CAMTA1: variants seen among roughly 807,000 people sequenced by gnomAD.
The protein encoded by CAMTA1 is calmodulin binding transcription activator 1.
A neutral mutation model predicts 170.9 loss-of-function variants in CAMTA1; 27 were observed. The ratio of observed to expected loss-of-function variants is 0.16; its 90% CI spans 0.12 to 0.22. CAMTA1 has a LOEUF of 0.22. Among genes scored for constraint, CAMTA1 ranks in the 10% least tolerant of loss-of-function variants. The pLI, the probability that CAMTA1 is intolerant of heterozygous loss-of-function variation, is 1.00. For missense variants in CAMTA1, 1,619 were observed against 2,217.2 expected, an observed-to-expected ratio of 0.73 and a Z score of 5.42; for synonymous variants, 833 against 891.5, an observed-to-expected ratio of 0.93 and a Z score of 1.17.
intron 4 of CAMTA1, among the ~76,000 whole-genome samples, chr1:7,220,077 T>G (rs72641240): frequency 0.012 from 1,895 of 152,292 alleles, 15 homozygotes; most frequent in Middle Eastern, 0.051. Context: ...TGGTACTTTG[T>G]TACGGAAGCC....
At chr1:7,374,531 C>T (rs2086705186) in intron 5 of CAMTA1, among the ~76,000 whole-genome samples, 1 of 152,262 alleles carries the variant, frequency 6.6e-6, no homozygotes, top group Admixed American at 6.5e-5. Flanking sequence ...CCATTGCAGC[C>T]TTGCCTGGGT....
chr1:7,424,454 G>A (rs555031053), intron 5 of CAMTA1, among the ~76,000 whole-genome samples: 2 of 151,928 alleles, frequency 1.3e-5, no homozygotes, highest in South Asian at 2.1e-4. Context: ...GAGGATGAGG[G>A]GGGGTGGGGG....
rs545343178 is a variant in CAMTA1, at chr1:7,560,368, G to C, written c.511-80032G>C. The stretch of plus-strand genomic sequence containing the variant: ...AGGCTCCAGGCACTGAGCCCCAGGG[G>C]TGAGAGGCTGAGCAGAGTCTAACAG... On this transcript the variant is annotated intron_variant, in intron 6 of 22. Transcript: ENST00000303635. Among the ~76,000 whole-genome samples the C allele has an allele frequency of 2.0e-3, 308 of 152,392 alleles. 2 individuals carry two copies. Among genetic ancestry groups the C allele is most frequent in the African/African-American group, 6.8e-3 (281 of 41,600 alleles).
intron 4 of CAMTA1, among the ~76,000 whole-genome samples, chr1:7,210,451 C>T (rs1350912886): frequency 2.0e-5 from 3 of 152,146 alleles, no homozygotes; most frequent in African/African-American, 4.8e-5. Context: ...TGGTTGCCTG[C>T]CCCTTTACTG....
chr1:6,799,174 C>G (rs1643317332), intron 1 of CAMTA1, among the ~76,000 whole-genome samples: 1 of 151,902 alleles, frequency 6.6e-6, no homozygotes, highest in Non-Finnish European at 1.5e-5. Context: ...TTCAAGTGAT[C>G]CTCCTGCCTC....
At chr1:7,123,917 G>A (rs928407079) in intron 4 of CAMTA1, among the ~76,000 whole-genome samples, 1 of 152,152 alleles carries the variant, frequency 6.6e-6, no homozygotes, top group Non-Finnish European at 1.5e-5. Context: ...TGGGCTTCAC[G>A]GGGAAAGTGT....
intron 4 of CAMTA1, among the ~76,000 whole-genome samples, chr1:7,215,456 C>T (rs936074923): frequency 9.2e-5 from 14 of 152,228 alleles, no homozygotes. Flanking sequence ...CGCAGTGGCG[C>T]GATCTCAGCC....
intron 3 of CAMTA1, among the ~76,000 whole-genome samples, chr1:7,049,004 G>T (rs1705859882): frequency 6.6e-6 from 1 of 152,192 alleles, no homozygotes; most frequent in Admixed American, 6.5e-5. Context: ...GCCGACTTAG[G>T]AAAGTACAAT....
At chr1:6,836,839 G>A (rs541545608) in intron 3 of CAMTA1, among the ~76,000 whole-genome samples, 2 of 152,256 alleles carry the variant, frequency 1.3e-5, no homozygotes, top group African/African-American at 4.8e-5. Flanking sequence ...AGAAGCAGCT[G>A]TTCAGAGGGG....
intron 3 of CAMTA1, among the ~76,000 whole-genome samples, chr1:6,894,727 A>C (rs1460140825): frequency 6.6e-6 from 1 of 152,242 alleles, no homozygotes; most frequent in Non-Finnish European, 1.5e-5. Context: ...TAAAGTGAAA[A>C]CATCACTGGA....
At chr1:7,259,388 A>G (rs1247579718) in intron 5 of CAMTA1, among the ~76,000 whole-genome samples, 2 of 152,182 alleles carry the variant, frequency 1.3e-5, no homozygotes, top group Non-Finnish European at 2.9e-5. Flanking sequence ...AGTGTGGTCC[A>G]AAGATTGGTA....
At chr1:7,511,380 G>T (rs755530793) in intron 6 of CAMTA1, among the ~76,000 whole-genome samples, 6 of 113,612 alleles carry the variant, frequency 5.3e-5, no homozygotes, top group South Asian at 2.9e-4. Flanking sequence ...AAGAAATAAT[G>T]AATGTAAATC....
At chr1:6,914,563 T>C (rs552408763) in intron 3 of CAMTA1, among the ~76,000 whole-genome samples, 26 of 152,352 alleles carry the variant, frequency 1.7e-4, no homozygotes, top group Admixed American at 1.5e-3. Flanking sequence ...GGCCATGCAA[T>C]GGCCATTTTT....
intron 3 of CAMTA1, among the ~76,000 whole-genome samples, chr1:7,002,278 G>A (rs1698336209): frequency 6.6e-6 from 1 of 152,166 alleles, no homozygotes; most frequent in Admixed American, 6.5e-5. Flanking sequence ...GAGGTGCAGT[G>A]TCCTATACTT....
At chr1:7,153,837 C>T (rs1646715326) in intron 4 of CAMTA1, among the ~76,000 whole-genome samples, 1 of 152,184 alleles carries the variant, frequency 6.6e-6, no homozygotes, top group Non-Finnish European at 1.5e-5. Flanking sequence ...TCATGAATGA[C>T]AGTGGACATG....
intron 5 of CAMTA1, among the ~76,000 whole-genome samples, chr1:7,310,894 C>T (rs746409071): frequency 8.6e-5 from 13 of 151,746 alleles, no homozygotes; most frequent in Non-Finnish European, 1.2e-4. Flanking sequence ...CCATGCCCGA[C>T]TAATTTTTGT....
chr1:7,393,523 C>T (rs1298699446), intron 5 of CAMTA1, among the ~76,000 whole-genome samples: 1 of 152,140 alleles, frequency 6.6e-6, no homozygotes, highest in Non-Finnish European at 1.5e-5. Flanking sequence ...AGTGATCCTC[C>T]TGTCCCAGCC....
chr1:7,453,784 A>AC, intron 5 of CAMTA1, among the ~76,000 whole-genome samples: 1 of 151,756 alleles, frequency 6.6e-6, no homozygotes, highest in Middle Eastern at 3.4e-3. Flanking sequence ...CAGACAAAAG[A>AC]CCCCCCTGAG....
chr1:7,625,261 AG>A (rs1043531267), intron 6 of CAMTA1, among the ~76,000 whole-genome samples: 2 of 152,212 alleles, frequency 1.3e-5, no homozygotes, highest in African/African-American at 4.8e-5. Flanking sequence ...GAAGGCAGTG[AG>A]GGGAGACTGG....
Sources: allele counts gnomAD v4.1 joint callset (sites outside exome capture counted in the v4.1 genomes callset), GRCh38; gene constraint gnomAD v4.1.1; transcripts MANE v1.5; gene names NCBI Gene and HGNC (gene_info 2026-07-23, HGNC 2026-07-21).